Variants in MYO9A observed in about 807,000 individuals in gnomAD.
MYO9A encodes the protein myosin IXA.
A neutral mutation model predicts 293.3 loss-of-function variants in MYO9A; 103 were observed. The observed-to-expected ratio is 0.35, with a 90% CI of 0.30 to 0.41. MYO9A has a LOEUF of 0.41. Among genes scored for constraint, MYO9A ranks in the 10% least tolerant of loss-of-function variants. MYO9A has a pLI of 1.00. For synonymous variants in MYO9A, 1,001 were observed against 1,035.7 expected, an observed-to-expected ratio of 0.97 and a Z score of 0.64; for missense variants, 2,685 against 3,033.0, an observed-to-expected ratio of 0.89 and a Z score of 2.69.
chr15:72,034,056 C>T (rs2077962794), intron 2 of MYO9A, among the ~76,000 whole-genome samples: 1 of 152,136 alleles, frequency 6.6e-6, no homozygotes, highest in Non-Finnish European at 1.5e-5. Flanking sequence ...CATATATACA[C>T]GGACGCACGC....
In MYO9A at chr15:72,036,713, GT is replaced by G. The variant is rs2078059430; in HGVS notation, c.841-4126del. The G allele has an allele frequency of 2.0e-5, 3 of 152,136 alleles. No individual in the cohort carries two copies. In the South Asian group the frequency reaches 6.3e-4, roughly 32 times the overall value. The allele number at this position is 152,136 out of a possible 1,614,324, so 9.4% of individuals were successfully genotyped here. On this transcript the variant is annotated intron_variant, in intron 2 of 41. Transcript: ENST00000356056. ...GGGTACTCTTTTTGTGTGTATGTAT[GT>G]TTTGTTTTGTTTTGTTTTGAGACAA... is the stretch of plus-strand genomic sequence containing the variant.
At chr15:71,865,756 A>G (rs951378698) in intron 32 of MYO9A, among the ~76,000 whole-genome samples, 3 of 152,210 alleles carry the variant, frequency 2.0e-5, no homozygotes, top group Non-Finnish European at 4.4e-5. Flanking sequence ...TGAATATACT[A>G]AAACCCACTA....
At chr15:72,103,357 A>AAG (rs2080440382) in intron 1 of MYO9A, among the ~76,000 whole-genome samples, 1 of 147,248 alleles carries the variant, frequency 6.8e-6, no homozygotes, top group African/African-American at 2.5e-5. Context: ...GCAAGCAGAG[A>AAG]CAGAAGCAGC....
At chr15:72,101,943 A>C (rs2080358574) in intron 1 of MYO9A, among the ~76,000 whole-genome samples, 1 of 151,746 alleles carries the variant, frequency 6.6e-6, no homozygotes, top group Non-Finnish European at 1.5e-5. Context: ...CCCTACTGGG[A>C]AGTGAGGAGC....
intron 17 of MYO9A, 46 bp from the exon 18 acceptor site, chr15:71,933,755 AAAAAC>A (rs1235887692): frequency 2.7e-6 from 4 of 1,500,334 alleles, no homozygotes; most frequent in Non-Finnish European, 3.7e-6. Context: ...GTATAAAAAC[AAAAAC>A]AAAAGCTACT....
chr15:72,009,541 A>G (rs944082799), intron 7 of MYO9A, among the ~76,000 whole-genome samples: 7 of 150,678 alleles, frequency 4.6e-5, no homozygotes, highest in Non-Finnish European at 8.8e-5. Flanking sequence ...CATAGGCAAC[A>G]TGGCAAAAAA....
At chr15:72,085,405 A>G (rs1263666080) in intron 1 of MYO9A, among the ~76,000 whole-genome samples, 1 of 152,034 alleles carries the variant, frequency 6.6e-6, no homozygotes, top group Non-Finnish European at 1.5e-5. Context: ...AAAAAAAAAA[A>G]AAGAAAAAAT....
At chr15:72,032,415 A>G in intron 3 of MYO9A, 79 bp downstream of exon 3, 1 of 871,672 alleles carries the variant, frequency 1.1e-6, no homozygotes, top group Non-Finnish European at 1.7e-6. Context: ...GGGAATGAAC[A>G]ATACATAGTT....
At chr15:72,030,142 C>G (rs1236799056) in intron 3 of MYO9A, among the ~76,000 whole-genome samples, 4 of 152,114 alleles carry the variant, frequency 2.6e-5, no homozygotes, top group Non-Finnish European at 5.9e-5. Flanking sequence ...AAATTTATTT[C>G]TTTTTCTGAA....
intron 34 of MYO9A, chr15:71,858,771 G>A (rs2055979545): frequency 6.6e-6 from 1 of 150,800 alleles, no homozygotes; most frequent in Non-Finnish European, 1.5e-5. Flanking sequence ...GAGTTAATGG[G>A]TGCAGCACAC....
At chr15:71,919,171 C>G (rs2058089002) in intron 18 of MYO9A, among the ~76,000 whole-genome samples, 1 of 152,170 alleles carries the variant, frequency 6.6e-6, no homozygotes, top group South Asian at 2.1e-4. Context: ...TGCAGTGCCA[C>G]GCACTGTGGC....
intron 2 of MYO9A, among the ~76,000 whole-genome samples, chr15:72,044,976 C>T (rs948298582): frequency 6.6e-6 from 1 of 151,900 alleles, no homozygotes; most frequent in African/African-American, 2.4e-5. Context: ...TTTGCGTTCC[C>T]ATCTTCCAGG....
In MYO9A at chr15:71,975,390, CGTGT is replaced by C. The variant is rs57800508; in HGVS notation, c.1844+2777_1844+2780del. On this transcript the variant is annotated intron_variant, in intron 12 of 41. Coordinates refer to ENST00000356056, the MANE Select transcript of MYO9A (RefSeq NM_006901.4). ...CCTTTGGCCTATGACGTGATTTTAT[CGTGT>C]GTGTGTGTGTGTGTGTGTGTGTGTG... Among the ~76,000 whole-genome samples the C allele has an allele frequency of 7.4e-4, 64 of 86,684 alleles. 2 individuals carry two copies. The East Asian group carries it at 7.5e-3, about 10-fold the overall frequency. 56.9% of individuals were successfully genotyped at this position (86,684 alleles called of 152,430 possible).
chr15:71,933,670 C>A lies in MYO9A; in HGVS notation c.2562G>T (p.Lys854Asn), dbSNP rs1251140216. The change falls in exon 18 of 42, where the codon AAG (lysine) becomes AAT (asparagine). Residue 854 changes from lysine (K) to asparagine (N), a missense_variant and splice_region_variant. Lys to Asn is a moderately conservative substitution (Grantham distance 94, BLOSUM62 0). Coordinates refer to ENST00000356056, the MANE Select transcript of MYO9A (RefSeq NM_006901.4). ...CAAAAAAAGTTTTCATAGTACTCACCTTTGGAAGGGCAGGCTTGGATTTGA... is the reference window on the plus strand; with the variant it reads ...CAAAAAAAGTTTTCATAGTACTCACATTTGGAAGGGCAGGCTTGGATTTGA... ...KNFKSKPALPKHLLEVNSLKH... is the reference protein window; with the variant it reads ...KNFKSKPALPNHLLEVNSLKH... 5.6e-6 allele frequency: 9 copies of A among 1,603,094 alleles called. No homozygotes were observed. Among genetic ancestry groups the A allele is most frequent in the Non-Finnish European group, 6.0e-6 (7 of 1,175,138 alleles).
At position 71,982,273 on chromosome 15, in the gene MYO9A, G is replaced by A. The variant is rs28625307; in HGVS notation, c.1723-3981C>T. ...CTGACCTCGTGATCTGCCCACCTCA[G>A]CCTCCCAAAGTGCTGGGATTACAGG... On this transcript the variant is annotated intron_variant, in intron 11 of 41. Transcript: ENST00000356056. Among the ~76,000 whole-genome samples the A allele has an allele frequency of 5.6e-3, 856 of 151,970 alleles. 11 individuals are homozygous for A. Among genetic ancestry groups the A allele is most frequent in the African/African-American group, 0.02 (810 of 41,438 alleles).
intron 1 of MYO9A, among the ~76,000 whole-genome samples, chr15:72,105,779 T>C (rs966205288): frequency 2.0e-5 from 3 of 152,196 alleles, no homozygotes; most frequent in African/African-American, 7.2e-5. Flanking sequence ...AGTGCTGGGA[T>C]TACAGGCATA....
At chr15:71,863,451 C>A (rs1406280387) in intron 32 of MYO9A, among the ~76,000 whole-genome samples, 3 of 151,510 alleles carry the variant, frequency 2.0e-5, no homozygotes, top group African/African-American at 7.3e-5. Flanking sequence ...ACAACTATAT[C>A]TTTAAAGCAA....
chr15:72,041,786 A>G (rs750389610), intron 2 of MYO9A: 2 of 152,784 alleles, frequency 1.3e-5, no homozygotes, highest in Admixed American at 6.5e-5. Flanking sequence ...GCAGTTGCCA[A>G]TAAGGGAATA....
At chr15:71,976,156 T>C (rs1224715962) in intron 12 of MYO9A, among the ~76,000 whole-genome samples, 1 of 152,122 alleles carries the variant, frequency 6.6e-6, no homozygotes, top group African/African-American at 2.4e-5. Flanking sequence ...TACCTCCAGG[T>C]AGACAGTGTC....
Sources: allele counts gnomAD v4.1 joint callset (sites outside exome capture counted in the v4.1 genomes callset), GRCh38; gene constraint gnomAD v4.1.1; transcripts MANE v1.5; gene names NCBI Gene and HGNC (gene_info 2026-07-23, HGNC 2026-07-21).